CDK6: variants seen among roughly 807,000 people sequenced by gnomAD.
CDK6 encodes the protein cyclin-dependent kinase 6.
Under a neutral mutation model 37.1 loss-of-function variants are expected in CDK6, and 6 were observed. That is an observed-to-expected ratio of 0.16 (90% CI 0.09 to 0.32). The LOEUF (loss-of-function observed/expected upper bound fraction) is 0.32. CDK6 is among the 10% of genes least tolerant of loss of function. CDK6 has a pLI of 1.00. For synonymous variants in CDK6, 160 were observed against 161.3 expected (o/e 0.99, Z 0.06); for missense variants, 224 against 418.9 (o/e 0.53, Z 4.06).
chr7:92,826,272 A>T (rs549978113), intron 2 of CDK6, among the ~76,000 whole-genome samples: 2 of 152,282 alleles, frequency 1.3e-5, no homozygotes, highest in African/African-American at 4.8e-5. Flanking sequence ...CTGTCATGGG[A>T]GTTAACATTC....
At chr7:92,641,024 C>G (rs1291957415) in intron 5 of CDK6, among the ~76,000 whole-genome samples, 1 of 152,040 alleles carries the variant, frequency 6.6e-6, no homozygotes, top group Non-Finnish European at 1.5e-5. Flanking sequence ...TACAAAAAAG[C>G]ATGATCTAAT....
rs962645172 is a variant in CDK6 at position 92,664,581 on chromosome 7, C to T, written c.647+6845G>A. On this transcript the variant is annotated intron_variant, in intron 5 of 7. Coordinates refer to ENST00000424848, the MANE Select transcript of CDK6 (RefSeq NM_001145306.2). ...ATCAATGACGACAAGCCTAGAGAGGCCACCAGACAAGAGGCAATATATGAC... is the reference window on the plus strand; with the variant it reads ...ATCAATGACGACAAGCCTAGAGAGGTCACCAGACAAGAGGCAATATATGAC... Among the ~76,000 whole-genome samples, 4 of 152,166 alleles carry T rather than the reference C, an allele frequency of 2.6e-5. 1 individual carries two copies. The highest frequency in any genetic ancestry group is 4.4e-5 in the Non-Finnish European group (3 of 68,032).
chr7:92,650,836 C>A (rs1046235603), intron 5 of CDK6, among the ~76,000 whole-genome samples: 1 of 152,116 alleles, frequency 6.6e-6, no homozygotes, highest in Non-Finnish European at 1.5e-5. Flanking sequence ...TTTGATCCTT[C>A]TCATACTTGG....
intron 2 of CDK6, among the ~76,000 whole-genome samples, chr7:92,795,837 T>C (rs1229255854): frequency 1.3e-5 from 2 of 152,186 alleles, no homozygotes; most frequent in Non-Finnish European, 2.9e-5. Flanking sequence ...AATTAGTTTA[T>C]ACAAAGGTTT....
At chr7:92,732,981 T>A (rs931190465) in intron 3 of CDK6, among the ~76,000 whole-genome samples, 1 of 152,234 alleles carries the variant, frequency 6.6e-6, no homozygotes, top group African/African-American at 2.4e-5. Context: ...AGCCTTGTAG[T>A]TATGTATATA....
At chr7:92,808,607 T>C (rs1332093942) in intron 2 of CDK6, among the ~76,000 whole-genome samples, 1 of 152,222 alleles carries the variant, frequency 6.6e-6, no homozygotes, top group East Asian at 1.9e-4. Context: ...ATTTAAATCA[T>C]CAATGGAGTT....
At chr7:92,647,444 G>T (rs1002733506) in intron 5 of CDK6, among the ~76,000 whole-genome samples, 2 of 152,208 alleles carry the variant, frequency 1.3e-5, no homozygotes, top group Admixed American at 1.3e-4. Context: ...TTGAGGAGGT[G>T]AGTGGGCAAT....
At chr7:92,827,280 G>T (rs1428822415) in intron 2 of CDK6, among the ~76,000 whole-genome samples, 1 of 152,000 alleles carries the variant, frequency 6.6e-6, no homozygotes, top group Non-Finnish European at 1.5e-5. Context: ...CTTTAGGAAG[G>T]CCAGAGAATA....
chr7:92,616,901 T>TA (rs998431393), intron 7 of CDK6, among the ~76,000 whole-genome samples: 2 of 151,988 alleles, frequency 1.3e-5, no homozygotes, highest in East Asian at 1.9e-4. Context: ...GAAATATGGT[T>TA]AAAAAAAAGG....
chr7:92,823,197 C>T (rs138396150), intron 2 of CDK6, among the ~76,000 whole-genome samples: 2 of 151,508 alleles, frequency 1.3e-5, no homozygotes, highest in East Asian at 1.9e-4. Context: ...TTGGTACCAC[C>T]GAGTCAGTCA....
At chr7:92,617,959 C>T (rs961203500) in intron 7 of CDK6, 113 bp downstream of exon 7, 1 of 984,932 alleles carries the variant, frequency 1.0e-6, no homozygotes, top group Non-Finnish European at 1.5e-6. Context: ...GTGGCTGTGG[C>T]ATGTGATGCC....
intron 2 of CDK6, among the ~76,000 whole-genome samples, chr7:92,821,306 C>CA (rs1178833408): frequency 6.6e-6 from 1 of 152,052 alleles, no homozygotes; most frequent in East Asian, 1.9e-4. Flanking sequence ...CTAGAATAAT[C>CA]AAACTACCAG....
At chr7:92,691,639 G>A (rs1398485466) in intron 4 of CDK6, among the ~76,000 whole-genome samples, 1 of 152,152 alleles carries the variant, frequency 6.6e-6, no homozygotes, top group African/African-American at 2.4e-5. Flanking sequence ...ACCATCATAT[G>A]CAAGCAATCC....
intron 4 of CDK6, among the ~76,000 whole-genome samples, chr7:92,717,177 T>C (rs1490428025): frequency 6.6e-6 from 1 of 151,492 alleles, no homozygotes; most frequent in East Asian, 1.9e-4. Context: ...CCCCCATCTC[T>C]TAAAAAAAAA....
chr7:92,622,343 T>G (rs966084408), intron 6 of CDK6, among the ~76,000 whole-genome samples: 1 of 152,148 alleles, frequency 6.6e-6, no homozygotes, highest in Non-Finnish European at 1.5e-5. Flanking sequence ...TTATAGAGAA[T>G]TTAAGTCAGA....
intron 2 of CDK6, among the ~76,000 whole-genome samples, chr7:92,803,982 T>C (rs17164786): frequency 0.021 from 3,145 of 152,322 alleles, 125 homozygotes; most frequent in South Asian, 0.17. Context: ...CCTACCTTAA[T>C]TAATCTTAAG....
intron 3 of CDK6, among the ~76,000 whole-genome samples, chr7:92,772,534 A>C (rs566065523): frequency 3.0e-5 from 4 of 133,516 alleles, no homozygotes; most frequent in East Asian, 2.2e-4. Flanking sequence ...CAAAAAGCTC[A>C]AAAAAAAAAA....
intron 4 of CDK6, among the ~76,000 whole-genome samples, chr7:92,674,233 T>TCTC (rs1342783789): frequency 6.6e-6 from 1 of 152,082 alleles, no homozygotes; most frequent in South Asian, 2.1e-4. Context: ...TTCTTTCTCC[T>TCTC]CTCCACATAT....
chr7:92,775,187 T>C (rs1235519398), intron 2 of CDK6, among the ~76,000 whole-genome samples: 1 of 152,252 alleles, frequency 6.6e-6, no homozygotes, highest in Non-Finnish European at 1.5e-5. Context: ...AATATGTTTC[T>C]TCTTAGCTCA....
Sources: gnomAD v4.1 joint callset for allele counts (sites outside exome capture counted in the v4.1 genomes callset) on GRCh38, gnomAD v4.1.1 for gene constraint, MANE v1.5 for transcripts, NCBI Gene and HGNC (gene_info 2026-07-23, HGNC 2026-07-21) for gene names.